DAG1: variants seen among roughly 807,000 people sequenced by gnomAD.
DAG1 encodes dystroglycan 1.
DAG1 carries 8 observed loss-of-function variants against 46.1 expected under a neutral mutation model. That is an observed-to-expected ratio of 0.17 (90% CI 0.10 to 0.31). The LOEUF is 0.31. Ranked by LOEUF, DAG1 falls within the 10% of genes least tolerant of loss-of-function variation. The probability of loss-of-function intolerance (pLI) is 1.00; values close to 1 mark genes in which losing one functional copy is unlikely to be tolerated. For synonymous variants in DAG1, 495 were observed against 481.8 expected (o/e 1.03, Z -0.36); for missense variants, 1,003 against 1,189.9 (o/e 0.84, Z 2.31).
rs761485164 is a variant in DAG1 at position 49,532,989 on chromosome 3, A to G, written c.2478A>G (p.Leu826=). Residue 826 remains leucine, a synonymous_variant, in exon 3 of 3, where the codon CTA becomes CTG. Transcript: ENST00000308775. The surrounding 1 kb of genome is among the most constrained non-coding windows in gnomAD (Gnocchi z 5.4). Reference sequence around the variant, plus strand: ...TTCTGCAGGAGGAGAAGGCTCCCCTACCCCCTCCTGAGTACCCCAACCAGA... The same window carrying G: ...TTCTGCAGGAGGAGAAGGCTCCCCTGCCCCCTCCTGAGTACCCCAACCAGA... ...PLILQEEKAP[L]PPPEYPNQSV... 6.2e-7 allele frequency: 1 copy of G among 1,612,960 alleles called. No homozygotes were observed. Among genetic ancestry groups the G allele is most frequent in the South Asian group, 1.1e-5 (1 of 91,024 alleles).
rs2050744897 is a variant in DAG1 at position 49,510,826 on chromosome 3, C to T, written c.285+7C>T. ...CAGTGGAGATATCATCAAGGTGAGA[C>T]TGGATATAAAGCATAAATGAGGAAG... On this transcript the variant is annotated splice_region_variant and intron_variant, in intron 2 of 2. Transcript: ENST00000308775. 1 of 1,614,052 alleles carries T rather than the reference C, an allele frequency of 6.2e-7. No individual in the cohort carries two copies. The highest frequency in any genetic ancestry group is 1.3e-5 in the African/African-American group (1 of 75,044).
intron 1 of DAG1, among the ~76,000 whole-genome samples, chr3:49,479,537 A>T (rs1010429460): frequency 2.0e-5 from 3 of 146,970 alleles, no homozygotes; most frequent in African/African-American, 7.6e-5. Flanking sequence ...CTCGAACTGA[A>T]CTCAGGTGAT....
intron 2 of DAG1, among the ~76,000 whole-genome samples, chr3:49,524,164 T>A (rs886992933): frequency 5.9e-5 from 9 of 152,186 alleles, no homozygotes; most frequent in African/African-American, 1.7e-4. Context: ...ACCTCCGGGA[T>A]GAGCTAAGCC....
intron 1 of DAG1, among the ~76,000 whole-genome samples, chr3:49,499,258 C>T (rs1047754910): frequency 6.6e-6 from 1 of 152,034 alleles, no homozygotes; most frequent in Non-Finnish European, 1.5e-5. Flanking sequence ...GTTTCAGAGC[C>T]GGGTACAGTG....
intron 2 of DAG1, among the ~76,000 whole-genome samples, chr3:49,529,282 C>T (rs11130202): frequency 0.42 from 63,429 of 152,046 alleles, 14,892 homozygotes; most frequent in East Asian, 0.93. Context: ...GCAATCCTCC[C>T]GCCTTGGCCT....
intron 1 of DAG1, among the ~76,000 whole-genome samples, chr3:49,503,568 A>G (rs754297145): frequency 5.3e-5 from 8 of 152,128 alleles, no homozygotes; most frequent in Non-Finnish European, 8.8e-5. Flanking sequence ...CTGGTGGCGC[A>G]TGCTTGTAAT....
intron 1 of DAG1, among the ~76,000 whole-genome samples, chr3:49,502,924 A>AC (rs748349206): frequency 1.3e-5 from 2 of 152,132 alleles, no homozygotes; most frequent in Non-Finnish European, 2.9e-5. Flanking sequence ...GGCATGAGTC[A>AC]CCGCGCCCGG....
At chr3:49,491,830 T>C (rs1459155069) in intron 1 of DAG1, among the ~76,000 whole-genome samples, 1 of 151,950 alleles carries the variant, frequency 6.6e-6, no homozygotes, top group East Asian at 1.9e-4. Flanking sequence ...CATTGGCCAG[T>C]CTGGTCTCAA....
intron 2 of DAG1, among the ~76,000 whole-genome samples, chr3:49,512,089 T>C (rs2107660865): frequency 6.6e-6 from 1 of 152,252 alleles, no homozygotes; most frequent in African/African-American, 2.4e-5. Context: ...TGGAGTGCAG[T>C]GGTACAGCCA....
intron 1 of DAG1, chr3:49,476,846 C>T (rs544695380): frequency 6.6e-6 from 1 of 152,166 alleles, no homozygotes; most frequent in East Asian, 1.9e-4. Context: ...CCTTTTCCTG[C>T]AGGGCCACTG....
intron 2 of DAG1, 120 bp from the exon 3 acceptor site, chr3:49,530,677 C>T: frequency 7.0e-7 from 1 of 1,429,788 alleles, no homozygotes; most frequent in South Asian, 1.2e-5. Context: ...AATCAGCTTC[C>T]CCAGCAGGCA....
At chr3:49,499,617 C>T (rs531234626) in intron 1 of DAG1, among the ~76,000 whole-genome samples, 4 of 152,188 alleles carry the variant, frequency 2.6e-5, no homozygotes, top group Non-Finnish European at 4.4e-5. Flanking sequence ...CTGAGTGGAA[C>T]AGAGCCGCCT....
intron 1 of DAG1, among the ~76,000 whole-genome samples, chr3:49,496,260 C>A (rs931546027): frequency 6.6e-6 from 1 of 152,060 alleles, no homozygotes; most frequent in African/African-American, 2.4e-5. Flanking sequence ...GCAGCCTCAA[C>A]CTCCCAGGCT....
intron 2 of DAG1, among the ~76,000 whole-genome samples, chr3:49,512,784 A>G (rs1334224859): frequency 2.8e-5 from 4 of 143,206 alleles, no homozygotes; most frequent in Non-Finnish European, 6.1e-5. Flanking sequence ...CCTGGGCAAC[A>G]TGGTGAAACC....
Position 49,531,051 on chromosome 3 carries a change from T to C in DAG1, c.540T>C (p.Ser180=). 1 of 1,614,224 alleles carries C rather than the reference T, an allele frequency of 6.2e-7. No homozygotes were observed. Among genetic ancestry groups the C allele is most frequent in the Non-Finnish European group, 8.5e-7 (1 of 1,180,038 alleles). The change falls in exon 3 of 3, where the codon TCT becomes TCC. Residue 180 remains serine, a synonymous_variant. Transcript: ENST00000308775. This position sits in a 1 kb window ranked among gnomAD's most constrained non-coding sequence, Gnocchi z 7.0. The part of the protein sequence containing the change: ...ASPDPGEVVS[S]ACAADEPVTV... ...CAGACCCTGGTGAGGTGGTATCATC[T>C]GCCTGTGCTGCGGATGAACCTGTGA...
intron 1 of DAG1, chr3:49,487,129 A>G (rs913665653): frequency 1.3e-5 from 2 of 152,106 alleles, no homozygotes; most frequent in African/African-American, 2.4e-5. Flanking sequence ...TGCTCAAGCA[A>G]TCCACCTGCC....
chr3:49,503,534 G>T (rs1230343035), intron 1 of DAG1, among the ~76,000 whole-genome samples: 2 of 152,024 alleles, frequency 1.3e-5, no homozygotes, highest in Admixed American at 1.3e-4. Flanking sequence ...GTGTCCTTTA[G>T]TCATTAAAAA....
chr3:49,484,284 C>G (rs1306297022), intron 1 of DAG1, among the ~76,000 whole-genome samples: 1 of 152,098 alleles, frequency 6.6e-6, no homozygotes, highest in Non-Finnish European at 1.5e-5. Context: ...TGACCAGATT[C>G]TTTCATGTAG....
chr3:49,508,131 T>C (rs2050656885), intron 1 of DAG1, among the ~76,000 whole-genome samples: 1 of 151,844 alleles, frequency 6.6e-6, no homozygotes, highest in African/African-American at 2.4e-5. Flanking sequence ...TGTTTTTGTT[T>C]TCAGTTTCAT....
Sources: allele counts gnomAD v4.1 joint callset (sites outside exome capture counted in the v4.1 genomes callset), GRCh38; gene constraint gnomAD v4.1.1; non-coding constraint Gnocchi (gnomAD v3.1); transcripts MANE v1.5; gene names NCBI Gene and HGNC (gene_info 2026-07-23, HGNC 2026-07-21).